The following MAN1A2 variants were observed in gnomAD, a reference collection of about 807,000 sequenced individuals.
The protein encoded by MAN1A2 is mannosyl-oligosaccharide 1,2-alpha-mannosidase IB.
MAN1A2 carries 26 observed loss-of-function variants against 75.7 expected under a neutral mutation model. That is an observed-to-expected ratio of 0.34 (90% CI 0.25 to 0.48). MAN1A2 has a LOEUF of 0.48. Ranked by LOEUF, MAN1A2 falls within the 20% of genes least tolerant of loss-of-function variation. The pLI is 0.99. For synonymous variants in MAN1A2, 247 were observed against 264.6 expected (o/e 0.93, Z 0.65); for missense variants, 562 against 775.5 (o/e 0.72, Z 3.27).
chr1:117,438,088 G>A (rs990673671), intron 5 of MAN1A2, among the ~76,000 whole-genome samples: 1 of 152,204 alleles, frequency 6.6e-6, no homozygotes, highest in African/African-American at 2.4e-5. Context: ...CACATATACA[G>A]TCATGTACCA....
intron 6 of MAN1A2, among the ~76,000 whole-genome samples, chr1:117,454,404 G>C (rs542561217): frequency 6.6e-6 from 1 of 152,236 alleles, no homozygotes; most frequent in African/African-American, 2.4e-5. Context: ...TTACATTGGG[G>C]AACCAAAATA....
chr1:117,462,809 C>G (rs1289652154), intron 7 of MAN1A2, among the ~76,000 whole-genome samples: 1 of 152,090 alleles, frequency 6.6e-6, no homozygotes, highest in African/African-American at 2.4e-5. Context: ...ACAAGAATGA[C>G]CCAATTCGTA....
intron 8 of MAN1A2, among the ~76,000 whole-genome samples, chr1:117,484,116 C>T (rs966532476): frequency 1.3e-5 from 2 of 151,714 alleles, no homozygotes; most frequent in African/African-American, 2.4e-5. Flanking sequence ...AATAGCCTAC[C>T]GTTGACCCAG....
chr1:117,420,772 T>TGG (rs1342329851), intron 5 of MAN1A2, 123 bp downstream of exon 5: 1 of 683,520 alleles, frequency 1.5e-6, no homozygotes, highest in Admixed American at 2.7e-5. Context: ...AGTCTAGAAC[T>TGG]GGTTGCTTCA....
At chr1:117,461,550 C>T (rs184364021) in intron 7 of MAN1A2, among the ~76,000 whole-genome samples, 3 of 152,038 alleles carry the variant, frequency 2.0e-5, no homozygotes, top group Non-Finnish European at 4.4e-5. Flanking sequence ...GAAGAGAAGA[C>T]GTAGAATGTT....
chr1:117,499,573 C>T lies in MAN1A2; in HGVS notation c.1677+19C>T, dbSNP rs1369949133. 6.3e-7 allele frequency: 1 copy of T among 1,578,102 alleles called. No individual in the cohort carries two copies. ...AGCACTGGTAAATAAGCCAATATTC[C>T]ATTTTATCTGCAAGAGTGTTAACTC... is the stretch of plus-strand genomic sequence containing the variant. On this transcript the variant is annotated intron_variant, in intron 11 of 12. Transcript: ENST00000356554.
At chr1:117,380,653 C>T (rs1442466666) in intron 1 of MAN1A2, among the ~76,000 whole-genome samples, 1 of 152,136 alleles carries the variant, frequency 6.6e-6, no homozygotes, top group East Asian at 1.9e-4. Context: ...AATATTGGCA[C>T]TCTTACTGAA....
intron 8 of MAN1A2, among the ~76,000 whole-genome samples, chr1:117,470,745 C>T (rs544753184): frequency 9.2e-5 from 14 of 152,016 alleles, no homozygotes; most frequent in African/African-American, 2.4e-4. Context: ...TATTTTATAT[C>T]AGCCTCTGAA....
chr1:117,427,806 A>C (rs993671115), intron 5 of MAN1A2, among the ~76,000 whole-genome samples: 1 of 152,216 alleles, frequency 6.6e-6, no homozygotes, highest in Non-Finnish European at 1.5e-5. Flanking sequence ...CACAGAGATT[A>C]CTTTTTCAAA....
At chr1:117,501,846 G>A (rs1035537897) in intron 11 of MAN1A2, among the ~76,000 whole-genome samples, 1 of 151,722 alleles carries the variant, frequency 6.6e-6, no homozygotes, top group Admixed American at 6.6e-5. Flanking sequence ...AGACAGCGAT[G>A]GTTAGTTAAG....
chr1:117,449,558 CA>C (rs34612489), intron 6 of MAN1A2, among the ~76,000 whole-genome samples: 1,262 of 106,594 alleles, frequency 0.012, 4 homozygotes, highest in African/African-American at 0.031. Context: ...GACCCTGTCT[CA>C]AAAAAAAAAA....
intron 1 of MAN1A2, among the ~76,000 whole-genome samples, chr1:117,395,648 A>G (rs1653879718): frequency 6.6e-6 from 1 of 152,238 alleles, no homozygotes; most frequent in Non-Finnish European, 1.5e-5. Flanking sequence ...CCAAAAGTTA[A>G]TTAAATATTA....
At chr1:117,393,402 T>C (rs1007557101) in intron 1 of MAN1A2, among the ~76,000 whole-genome samples, 2 of 152,140 alleles carry the variant, frequency 1.3e-5, no homozygotes, top group Non-Finnish European at 2.9e-5. Context: ...TTGCTGACTA[T>C]CCTATAGTCA....
chr1:117,475,430 A>G (rs985203263), intron 8 of MAN1A2, among the ~76,000 whole-genome samples: 2 of 151,790 alleles, frequency 1.3e-5, no homozygotes, highest in Non-Finnish European at 2.9e-5. Flanking sequence ...TTTGTTATGT[A>G]GGTATACACG....
chr1:117,417,716 T>A (rs1405181026), intron 4 of MAN1A2, among the ~76,000 whole-genome samples: 13 of 150,678 alleles, frequency 8.6e-5, no homozygotes, highest in South Asian at 6.3e-4. Flanking sequence ...ACTCTCTCTC[T>A]CTCTCTCTCT....
At chr1:117,522,747 T>TGAAA in intron 12 of MAN1A2, 78 bp from the exon 13 acceptor site, 1 of 1,271,390 alleles carries the variant, frequency 7.9e-7, no homozygotes, top group Non-Finnish European at 1.1e-6. Context: ...ATTGGTTTTC[T>TGAAA]GTGCCATTAA....
At chr1:117,404,302 A>C (rs1326813849) in intron 2 of MAN1A2, among the ~76,000 whole-genome samples, 1 of 152,200 alleles carries the variant, frequency 6.6e-6, no homozygotes, top group Non-Finnish European at 1.5e-5. Context: ...GTATGCTGTT[A>C]AATGAATAGA....
chr1:117,432,811 T>TTTA (rs1220770543), intron 5 of MAN1A2, among the ~76,000 whole-genome samples: 4 of 151,328 alleles, frequency 2.6e-5, no homozygotes, highest in Non-Finnish European at 5.9e-5. Flanking sequence ...CAGTATACTT[T>TTTA]TTAAATACAT....
At chr1:117,391,075 GTT>G (rs1269087201) in intron 1 of MAN1A2, among the ~76,000 whole-genome samples, 5 of 152,004 alleles carry the variant, frequency 3.3e-5, no homozygotes, top group African/African-American at 1.2e-4. Context: ...ATTGAGAAGT[GTT>G]TTATTGAGTT....
Sources: gnomAD v4.1 joint callset for allele counts (sites outside exome capture counted in the v4.1 genomes callset) on GRCh38, gnomAD v4.1.1 for gene constraint, MANE v1.5 for transcripts, NCBI Gene and HGNC (gene_info 2026-07-23, HGNC 2026-07-21) for gene names.